Variants in GRIK2 observed in about 807,000 individuals in gnomAD.
GRIK2 encodes glutamate ionotropic receptor kainate type subunit 2.
GRIK2 carries 32 observed loss-of-function variants against 100.3 expected under a neutral mutation model. The observed-to-expected ratio is 0.32, with a 90% CI of 0.24 to 0.43. The LOEUF (loss-of-function observed/expected upper bound fraction) is 0.43. GRIK2 is among the 20% of genes least tolerant of loss of function. GRIK2 has a pLI of 1.00. For missense variants in GRIK2, 843 were observed against 1,114.9 expected, an observed-to-expected ratio of 0.76 and a Z score of 3.47; for synonymous variants, 417 against 389.4, an observed-to-expected ratio of 1.07 and a Z score of -0.83.
At chr6:101,595,706 G>GTATATATATATATA (rs1417393124) in intron 2 of GRIK2, among the ~76,000 whole-genome samples, 48 of 125,370 alleles carry the variant, frequency 3.8e-4, no homozygotes, top group African/African-American at 1.4e-3. Context: ...ATATGTGTGT[G>GTATATATATATATA]TGTGTGTGTG....
At chr6:101,598,802 T>C (rs1779055064) in intron 2 of GRIK2, among the ~76,000 whole-genome samples, 1 of 151,564 alleles carries the variant, frequency 6.6e-6, no homozygotes, top group African/African-American at 2.4e-5. Flanking sequence ...GGCTATTATG[T>C]CCTCATTTTG....
At chr6:101,755,860 A>G (rs1777104113) in intron 7 of GRIK2, among the ~76,000 whole-genome samples, 1 of 152,182 alleles carries the variant, frequency 6.6e-6, no homozygotes, top group African/African-American at 2.4e-5. Flanking sequence ...TATATAGTGC[A>G]TTTCATCCTA....
intron 10 of GRIK2, among the ~76,000 whole-genome samples, chr6:101,840,587 A>G (rs1484084180): frequency 6.6e-6 from 1 of 152,200 alleles, no homozygotes; most frequent in Non-Finnish European, 1.5e-5. Context: ...TTAACATAAA[A>G]ATCCACAATA....
At chr6:101,730,884 GAAGA>G (rs1227363375) in intron 7 of GRIK2, among the ~76,000 whole-genome samples, 6 of 151,894 alleles carry the variant, frequency 4.0e-5, no homozygotes, top group Non-Finnish European at 7.4e-5. Context: ...TAAAAAGAGT[GAAGA>G]GAGAGGGGAA....
intron 2 of GRIK2, among the ~76,000 whole-genome samples, chr6:101,554,100 T>A (rs1263713248): frequency 6.6e-6 from 1 of 152,102 alleles, no homozygotes; most frequent in Non-Finnish European, 1.5e-5. Context: ...TATGTAAACG[T>A]AGAGAGTGAA....
intron 14 of GRIK2, among the ~76,000 whole-genome samples, 194 bp from the exon 15 acceptor site, chr6:102,035,147 G>A (rs968869491): frequency 7.4e-5 from 11 of 149,458 alleles, no homozygotes; most frequent in African/African-American, 2.5e-4. Flanking sequence ...GAAATATGAC[G>A]AGAAATTGCT....
chr6:101,918,474 T>C (rs1789264920), intron 12 of GRIK2, among the ~76,000 whole-genome samples: 1 of 151,800 alleles, frequency 6.6e-6, no homozygotes, highest in African/African-American at 2.4e-5. Flanking sequence ...TAGATTATTT[T>C]ATATATTTTC....
chr6:101,573,703 G>A (rs1290713973), intron 2 of GRIK2, among the ~76,000 whole-genome samples: 3 of 152,010 alleles, frequency 2.0e-5, no homozygotes, highest in African/African-American at 7.2e-5. Context: ...TTTCCAGGGT[G>A]TTCATTTTTA....
chr6:101,778,943 A>T (rs941199011), intron 7 of GRIK2, among the ~76,000 whole-genome samples: 2 of 152,104 alleles, frequency 1.3e-5, no homozygotes, highest in African/African-American at 4.8e-5. Flanking sequence ...TGTAAATGAA[A>T]TCTAAGCACA....
intron 12 of GRIK2, among the ~76,000 whole-genome samples, chr6:101,900,438 T>C (rs1787769317): frequency 6.6e-6 from 1 of 152,138 alleles, no homozygotes; most frequent in Non-Finnish European, 1.5e-5. Context: ...GATCGCGCCA[T>C]TGCACTCCAG....
At chr6:101,715,440 A>T (rs1291564191) in intron 7 of GRIK2, among the ~76,000 whole-genome samples, 3 of 151,762 alleles carry the variant, frequency 2.0e-5, no homozygotes, top group Non-Finnish European at 2.9e-5. Flanking sequence ...GAAAGACAAG[A>T]CTAATGGGGA....
intron 7 of GRIK2, among the ~76,000 whole-genome samples, chr6:101,742,725 G>A (rs1175536676): frequency 6.6e-6 from 1 of 152,158 alleles, no homozygotes; most frequent in Non-Finnish European, 1.5e-5. Flanking sequence ...TAAGATAAGT[G>A]GTTGTAGAGA....
rs185711559 is a variant in GRIK2, at chr6:102,060,589, A to G, written c.2562+5009A>G. 5.8e-3 allele frequency among the ~76,000 whole-genome samples: 872 copies of G among 150,868 alleles called. 8 individuals carry two copies. The highest frequency in any genetic ancestry group is 0.02 in the African/African-American group (835 of 41,426). ...GGAGCAATGCTTTTTAGAAGAATATACTTTTGGGGTAAGGTATAGGAATGC... is the reference window on the plus strand; with the variant it reads ...GGAGCAATGCTTTTTAGAAGAATATGCTTTTGGGGTAAGGTATAGGAATGC... On this transcript the variant is annotated intron_variant, in intron 16 of 16. Transcript: ENST00000369134.
intron 7 of GRIK2, among the ~76,000 whole-genome samples, chr6:101,744,047 A>G (rs963684602): frequency 2.0e-5 from 3 of 152,038 alleles, no homozygotes; most frequent in Non-Finnish European, 4.4e-5. Context: ...GGTTCACACC[A>G]TTCTCCTGCT....
intron 4 of GRIK2, among the ~76,000 whole-genome samples, chr6:101,628,483 G>T (rs912928997): frequency 6.6e-6 from 1 of 151,806 alleles, no homozygotes; most frequent in African/African-American, 2.4e-5. Flanking sequence ...TTATTATATT[G>T]CTTTCTTCCT....
chr6:101,565,927 ATATATG>A (rs1460007717), intron 2 of GRIK2, among the ~76,000 whole-genome samples: 1 of 95,368 alleles, frequency 1.0e-5, no homozygotes, highest in African/African-American at 4.2e-5. Context: ...ATATATATAT[ATATATG>A]TGTATATATA....
chr6:101,612,792 C>T (rs955067639), intron 2 of GRIK2, among the ~76,000 whole-genome samples: 2 of 150,318 alleles, frequency 1.3e-5, no homozygotes, highest in African/African-American at 2.4e-5. Flanking sequence ...GGCTCCTGGG[C>T]AGATGAGCCC....
At chr6:102,018,521 T>C (rs1041111228) in intron 14 of GRIK2, among the ~76,000 whole-genome samples, 1 of 152,054 alleles carries the variant, frequency 6.6e-6, no homozygotes, top group African/African-American at 2.4e-5. Flanking sequence ...TCTTTTAGTT[T>C]CCCCCCACTT....
intron 2 of GRIK2, among the ~76,000 whole-genome samples, chr6:101,566,861 G>A (rs1277032143): frequency 1.3e-5 from 2 of 149,278 alleles, no homozygotes; most frequent in Non-Finnish European, 3.0e-5. Flanking sequence ...GACATTTTAT[G>A]ATAGACATAT....
Sources: allele counts gnomAD v4.1 joint callset (sites outside exome capture counted in the v4.1 genomes callset), GRCh38; gene constraint gnomAD v4.1.1; transcripts MANE v1.5; gene names NCBI Gene and HGNC (gene_info 2026-07-23, HGNC 2026-07-21).